CMSS1: variants seen among roughly 807,000 people sequenced by gnomAD.
CMSS1 encodes protein CMSS1.
In CMSS1, 33 loss-of-function variants were observed where a neutral mutation model predicts 43.5. The observed-to-expected ratio is 0.76, with a 90% CI of 0.57 to 1.01. CMSS1 has a LOEUF of 1.01. CMSS1 is among the 50% of genes least tolerant of loss of function. CMSS1 has a pLI of 0.00. For synonymous variants in CMSS1, 115 were observed against 117.2 expected (o/e 0.98, Z 0.12); for missense variants, 313 against 326.4 (o/e 0.96, Z 0.32).
At chr3:99,900,483 A>C (rs1213529247) in intron 1 of CMSS1, among the ~76,000 whole-genome samples, 1 of 152,210 alleles carries the variant, frequency 6.6e-6, no homozygotes, top group Non-Finnish European at 1.5e-5. Context: ...TTCAGATGAG[A>C]TAGAGTGCGT....
At chr3:100,162,465 G>A (rs765913322) in intron 4 of CMSS1, 33 bp downstream of exon 4, 4 of 1,596,774 alleles carry the variant, frequency 2.5e-6, no homozygotes, top group Admixed American at 3.5e-5. Context: ...CTAAAGACAA[G>A]GAGCAAAACA....
intron 1 of CMSS1, among the ~76,000 whole-genome samples, chr3:99,893,416 C>T (rs569696449): frequency 2.6e-5 from 4 of 152,216 alleles, no homozygotes; most frequent in South Asian, 4.2e-4. Context: ...CCGCCTGTCT[C>T]GGCCTCCCAA....
chr3:99,945,828 T>C (rs774805985), intron 1 of CMSS1, among the ~76,000 whole-genome samples: 1 of 152,204 alleles, frequency 6.6e-6, no homozygotes, highest in Non-Finnish European at 1.5e-5. Flanking sequence ...AGAGAAACCC[T>C]GTCAGGGCTC....
intron 1 of CMSS1, among the ~76,000 whole-genome samples, chr3:99,884,814 T>C (rs1705840327): frequency 6.6e-6 from 1 of 152,270 alleles, no homozygotes; most frequent in South Asian, 2.1e-4. Flanking sequence ...CATGGAATGC[T>C]GTTTACAGGT....
At chr3:100,108,296 G>A (rs1325941921) in intron 1 of CMSS1, among the ~76,000 whole-genome samples, 3 of 152,074 alleles carry the variant, frequency 2.0e-5, no homozygotes, top group Non-Finnish European at 4.4e-5. Context: ...TAGATCCAAG[G>A]TATAGCACCA....
Position 100,156,919 on chromosome 3 carries a change from TTTG to T in CMSS1, c.154-3492_154-3490del, listed in dbSNP as rs986731857. On this transcript the variant is annotated intron_variant, in intron 2 of 9. Transcript: ENST00000421999. ...TGTGAGCCACCACGCCTGGCTGTTT[TTTG>T]TTGTTGTTGTTGTTGTTGAGACAGG... 1.3e-4 allele frequency among the ~76,000 whole-genome samples: 19 copies of T among 151,974 alleles called. 1 individual carries two copies. Among genetic ancestry groups the T allele is most frequent in the Admixed American group, 2.0e-4 (3 of 15,254 alleles).
At chr3:100,005,567 A>G (rs941184477) in intron 1 of CMSS1, among the ~76,000 whole-genome samples, 2 of 152,246 alleles carry the variant, frequency 1.3e-5, no homozygotes, top group Non-Finnish European at 2.9e-5. Flanking sequence ...ACCAAATTTT[A>G]CAAGAATAAC....
chr3:99,849,251 G>C (rs1448326266), intron 1 of CMSS1: 1 of 1,614,118 alleles, frequency 6.2e-7, no homozygotes, highest in Non-Finnish European at 8.5e-7. Context: ...TAATCAGGTG[G>C]TTCATTGTCT....
chr3:99,934,249 A>C (rs548821015), intron 1 of CMSS1, among the ~76,000 whole-genome samples: 1 of 152,352 alleles, frequency 6.6e-6, no homozygotes, highest in Non-Finnish European at 1.5e-5. Flanking sequence ...GGAAGAAGAT[A>C]CAAGGCCACA....
At chr3:100,143,516 T>C (rs1039258848) in intron 1 of CMSS1, among the ~76,000 whole-genome samples, 12 of 152,180 alleles carry the variant, frequency 7.9e-5, no homozygotes, top group Admixed American at 2.0e-4. Flanking sequence ...AGAGTGTGTA[T>C]TCTGCCGTTG....
intron 1 of CMSS1, among the ~76,000 whole-genome samples, chr3:99,891,305 T>A (rs1354747918): frequency 3.9e-5 from 6 of 152,202 alleles, no homozygotes; most frequent in Admixed American, 3.9e-4. Context: ...CTCAGCTTTA[T>A]GTGGGGCTGG....
chr3:99,987,136 A>G (rs1277279310), intron 1 of CMSS1, among the ~76,000 whole-genome samples: 2 of 152,048 alleles, frequency 1.3e-5, no homozygotes, highest in Non-Finnish European at 2.9e-5. Flanking sequence ...AGGCTGAGGC[A>G]GGAGGATCAC....
At chr3:99,921,505 C>T (rs941895258) in intron 1 of CMSS1, among the ~76,000 whole-genome samples, 1 of 152,172 alleles carries the variant, frequency 6.6e-6, no homozygotes, top group South Asian at 2.1e-4. Context: ...AGGGAAGTCA[C>T]ATATGCATCA....
chr3:100,087,529 T>C (rs2066031244), intron 1 of CMSS1, among the ~76,000 whole-genome samples: 1 of 152,208 alleles, frequency 6.6e-6, no homozygotes, highest in Admixed American at 6.5e-5. Context: ...CATCCAAGTA[T>C]AGTCTTTAGT....
chr3:100,150,476 T>A (rs2107517458), intron 2 of CMSS1, among the ~76,000 whole-genome samples: 1 of 152,330 alleles, frequency 6.6e-6, no homozygotes, highest in East Asian at 1.9e-4. Context: ...GTAATATACA[T>A]TTAGGCTTTA....
At chr3:100,059,623 C>CTT (rs2065525819) in intron 1 of CMSS1, among the ~76,000 whole-genome samples, 1 of 152,166 alleles carries the variant, frequency 6.6e-6, no homozygotes, top group Admixed American at 6.5e-5. Flanking sequence ...AGCCAGAAGG[C>CTT]GGGGGCCAAG....
chr3:99,860,875 A>AT (rs1944215619), intron 1 of CMSS1, among the ~76,000 whole-genome samples: 1 of 152,168 alleles, frequency 6.6e-6, no homozygotes, highest in African/African-American at 2.4e-5. Flanking sequence ...TGTTCATTTA[A>AT]TACCGTGAAT....
intron 2 of CMSS1, among the ~76,000 whole-genome samples, chr3:100,154,697 G>A (rs1044484031): frequency 2.6e-5 from 4 of 152,260 alleles, no homozygotes; most frequent in East Asian, 3.9e-4. Flanking sequence ...TCAGCTGGGC[G>A]TGGTGGCTCA....
intron 1 of CMSS1, among the ~76,000 whole-genome samples, chr3:99,890,502 ACTTT>A (rs925886875): frequency 4.7e-4 from 71 of 152,120 alleles, no homozygotes; most frequent in Admixed American, 1.4e-3. Context: ...CACATGTTAG[ACTTT>A]CTTTATCTTC....
Sources: allele counts gnomAD v4.1 joint callset (sites outside exome capture counted in the v4.1 genomes callset), GRCh38; gene constraint gnomAD v4.1.1; transcripts MANE v1.5; gene names NCBI Gene and HGNC (gene_info 2026-07-23, HGNC 2026-07-21).